FSCN1: variants seen among roughly 807,000 people sequenced by gnomAD.
FSCN1 encodes fascin actin-bundling protein 1.
In FSCN1, 10 loss-of-function variants were observed where a neutral mutation model predicts 39.7. The observed-to-expected ratio is 0.25, with a 90% CI of 0.16 to 0.43. The LOEUF is 0.43. FSCN1 is among the 20% of genes least tolerant of loss of function. The pLI is 1.00. For synonymous variants in FSCN1, 322 were observed against 320.0 expected (o/e 1.01, Z -0.07); for missense variants, 525 against 723.8 (o/e 0.73, Z 3.15).
rs1002981356 is a variant in FSCN1 at position 5,599,037 on chromosome 7, G to C, written c.833-4220G>C. On this transcript the variant is annotated intron_variant, in intron 1 of 4. Coordinates refer to ENST00000382361, the MANE Select transcript of FSCN1 (RefSeq NM_003088.4). This position sits in a 1 kb window ranked among gnomAD's most constrained non-coding sequence, Gnocchi z 5.6. ...GGTGGGGCGGGCCAGACCTTTGCAG[G>C]GCCTCTTGGCTGGTGGAGGGCTGAG... Among the ~76,000 whole-genome samples, 14 of 152,126 alleles carry C rather than the reference G, an allele frequency of 9.2e-5. No homozygotes were observed. The highest frequency in any genetic ancestry group is 3.1e-4 in the African/African-American group (13 of 41,434).
intron 4 of FSCN1, among the ~76,000 whole-genome samples, chr7:5,604,537 C>G (rs1474593029): frequency 1.3e-5 from 2 of 152,068 alleles, no homozygotes; most frequent in African/African-American, 2.4e-5. Flanking sequence ...GGCGTTATCT[C>G]GGCTCACTGC....
At chr7:5,604,240 A>C (rs1289649541) in intron 4 of FSCN1, among the ~76,000 whole-genome samples, 1 of 149,416 alleles carries the variant, frequency 6.7e-6, no homozygotes, top group Non-Finnish European at 1.5e-5. Context: ...GGGGGGACTT[A>C]CCTTGCCCAC....
At position 5,603,074 on chromosome 7, in the gene FSCN1, C is replaced by T. The variant is rs974675501; in HGVS notation, c.833-183C>T. The T allele has an allele frequency of 3.7e-5, 24 of 643,000 alleles. No individual in the cohort carries two copies. The highest frequency in any genetic ancestry group is 8.5e-4 in the Middle Eastern group (2 of 2,348). The allele number at this position is 643,000 out of a possible 1,614,324, so 39.8% of individuals were successfully genotyped here. On this transcript the variant is annotated intron_variant, in intron 1 of 4. Transcript: ENST00000382361. This position sits in a 1 kb window ranked among gnomAD's most constrained non-coding sequence, Gnocchi z 8.5. ...GATGTAGCTTGCCTTGGCCTCTGAC[C>T]GGCCCTGCCTGCGTTCCTGGGTGCT...
In FSCN1 at chr7:5,605,191, C is replaced by A; in HGVS notation, c.1280-81C>A. 1 of 1,053,686 alleles carries A rather than the reference C, an allele frequency of 9.5e-7. No individual in the cohort carries two copies. The highest frequency in any genetic ancestry group is 1.4e-6 in the Non-Finnish European group (1 of 690,638). 65.3% of individuals were successfully genotyped at this position (1,053,686 alleles called of 1,614,324 possible). A position where few individuals can be genotyped will look rare whatever the true frequency, so the allele number is the denominator to read the frequency against. On this transcript the variant is annotated intron_variant, in intron 4 of 4. Coordinates refer to ENST00000382361, the MANE Select transcript of FSCN1 (RefSeq NM_003088.4). The surrounding 1 kb of genome is among the most constrained non-coding windows in gnomAD (Gnocchi z 6.9). ...GAGGGTGGGGCGTCACCCTTGGGAA[C>A]ACCCGTGCCCACCCTCCGCTGCCCA...
In FSCN1 at chr7:5,595,495, G is replaced by A. The variant is rs576807123; in HGVS notation, c.832+1727G>A. Among the ~76,000 whole-genome samples the A allele has an allele frequency of 4.6e-5, 7 of 152,286 alleles. No homozygotes were observed. In the Middle Eastern group the frequency reaches 0.01, roughly 222 times the overall value. On this transcript the variant is annotated intron_variant, in intron 1 of 4. Coordinates refer to ENST00000382361, the MANE Select transcript of FSCN1 (RefSeq NM_003088.4). ...ACCAGTGGGGTTCACGTTCTCTTGG[G>A]GACATTACGAAGTGTCAAGGAAAAG...
intron 1 of FSCN1, among the ~76,000 whole-genome samples, chr7:5,602,339 C>T (rs1785847710): frequency 6.6e-6 from 1 of 151,858 alleles, no homozygotes; most frequent in South Asian, 2.1e-4. Flanking sequence ...CGCACCCGGC[C>T]CTTTTATAAG....
chr7:5,600,546 G>C (rs1288763946), intron 1 of FSCN1, among the ~76,000 whole-genome samples: 4 of 152,088 alleles, frequency 2.6e-5, no homozygotes, highest in Admixed American at 1.3e-4. Context: ...AGGCTGGAGT[G>C]CAGTGGCGGA....
At chr7:5,604,131 T>G in intron 4 of FSCN1, 101 bp downstream of exon 4, 1 of 1,173,236 alleles carries the variant, frequency 8.5e-7, no homozygotes, top group South Asian at 1.4e-5. Flanking sequence ...GGACCCTGGC[T>G]TGGCTCAGGG....
chr7:5,605,148 A>G lies in FSCN1; in HGVS notation c.1280-124A>G, dbSNP rs1785911349. 4 of 696,514 alleles carry G rather than the reference A, an allele frequency of 5.7e-6. No individual in the cohort carries two copies. Among genetic ancestry groups the G allele is most frequent in the Non-Finnish European group, 1.0e-5 (4 of 394,728 alleles). 43.1% of individuals were successfully genotyped at this position (696,514 alleles called of 1,614,324 possible). A position where few individuals can be genotyped will look rare whatever the true frequency, so the allele number is the denominator to read the frequency against. ...GTGCGGGCCATAGGGACCCTGGCTC[A>G]TTCCGGAGCCGGGACTGGAGGGTGG... On this transcript the variant is annotated intron_variant, in intron 4 of 4. Transcript: ENST00000382361. This position sits in a 1 kb window ranked among gnomAD's most constrained non-coding sequence, Gnocchi z 6.9.
At chr7:5,594,857 T>C (rs1785702918) in intron 1 of FSCN1, 1 of 152,264 alleles carries the variant, frequency 6.6e-6, no homozygotes. Flanking sequence ...CGGGAACAAT[T>C]GACTGCAACT....
rs768770293 is a variant in FSCN1, at chr7:5,599,017, G to T, written c.833-4240G>T. On this transcript the variant is annotated intron_variant, in intron 1 of 4. Transcript: ENST00000382361. This position sits in a 1 kb window ranked among gnomAD's most constrained non-coding sequence, Gnocchi z 5.6. ...TGCGGCTTCTGTGCAGTGGGGGTGG[G>T]GCGGGCCAGACCTTTGCAGGGCCTC... is the stretch of plus-strand genomic sequence containing the variant. Among the ~76,000 whole-genome samples the T allele has an allele frequency of 6.6e-6, 1 of 152,212 alleles. No individual in the cohort carries two copies. The highest frequency in any genetic ancestry group is 1.5e-5 in the Non-Finnish European group (1 of 68,026).
intron 1 of FSCN1, among the ~76,000 whole-genome samples, chr7:5,597,393 C>T (rs1415212303): frequency 3.3e-5 from 5 of 149,688 alleles, no homozygotes; most frequent in South Asian, 2.1e-4. Context: ...TGGCCTGGTG[C>T]GGTGGCTCAC....
chr7:5,597,897 G>C (rs186042371), intron 1 of FSCN1, among the ~76,000 whole-genome samples: 2,841 of 152,218 alleles, frequency 0.019, 40 homozygotes, highest in Non-Finnish European at 0.03. Context: ...CTGGCTCCCG[G>C]GGGCTTCTGT....
rs144434787 is a variant in FSCN1, at chr7:5,603,930, C to T, written c.1179C>T (p.Gly393=). The change falls in exon 4 of 5, where the codon GGC becomes GGT. Residue 393 remains glycine, a synonymous_variant. Transcript: ENST00000382361. This position sits in a 1 kb window ranked among gnomAD's most constrained non-coding sequence, Gnocchi z 8.5. ...RPIIVFRGEH[G]FIGCRKVTGT... ...TCATCGTGTTCCGCGGGGAGCATGG[C>T]TTCATCGGCTGCCGCAAGGTCACGG... 3.1e-6 allele frequency: 5 copies of T among 1,613,946 alleles called. No homozygotes were observed. In the African/African-American group the frequency reaches 6.7e-5, roughly 22 times the overall value.
chr7:5,603,429 C>G lies in FSCN1; in HGVS notation c.989+16C>G. On this transcript the variant is annotated intron_variant, in intron 2 of 4. Transcript: ENST00000382361. This position sits in a 1 kb window ranked among gnomAD's most constrained non-coding sequence, Gnocchi z 8.5. The stretch of plus-strand genomic sequence containing the variant: ...CCTCCAGCAAGTGAGTGCCTCGCTC[C>G]CACCTGTCACCGCCCCCACCACCTT... 3.1e-6 allele frequency: 5 copies of G among 1,613,788 alleles called. No homozygotes were observed. Among genetic ancestry groups the G allele is most frequent in the Non-Finnish European group, 4.2e-6 (5 of 1,179,970 alleles).
At position 5,594,361 on chromosome 7, in the gene FSCN1, T is replaced by TG. The variant is rs946650347; in HGVS notation, c.832+602dup. 2.3e-3 allele frequency among the ~76,000 whole-genome samples: 299 copies of TG among 132,880 alleles called. 1 individual carries two copies. Among genetic ancestry groups the TG allele is most frequent in the South Asian group, 0.01 (39 of 3,892 alleles). The allele number at this position is 132,880 out of a possible 152,430, so 87.2% of individuals were successfully genotyped here. ...GCCGGGCGGGGTCGGCCTCCGCTGG[T>TG]GGGGGGGGGCGCGGGGTGTCAGCCC... is the stretch of plus-strand genomic sequence containing the variant. On this transcript the variant is annotated intron_variant, in intron 1 of 4. Transcript: ENST00000382361.
Position 5,605,606 on chromosome 7 carries a change from G to A in FSCN1, c.*132G>A, listed in dbSNP as rs1425311230. ...TGCCTTTCAAACTGGAAACCCCAGA[G>A]AAAACGGTGCCCCCACCTGTCGCCC... On this transcript the variant is annotated 3_prime_UTR_variant, in exon 5 of 5. Coordinates refer to ENST00000382361, the MANE Select transcript of FSCN1 (RefSeq NM_003088.4). This position sits in a 1 kb window ranked among gnomAD's most constrained non-coding sequence, Gnocchi z 6.9. 32 of 686,288 alleles carry A rather than the reference G, an allele frequency of 4.7e-5. No homozygotes were observed. In the East Asian group the frequency reaches 6.3e-4, roughly 14 times the overall value. 42.5% of individuals were successfully genotyped at this position (686,288 alleles called of 1,614,324 possible).
In FSCN1 at chr7:5,593,525, C is replaced by A. The variant is rs1355426865; in HGVS notation, c.589C>A (p.Arg197Ser). ...SVQTADHRFL[R>S]HDGRLVARPE... ...GCAGACCGCCGACCACCGCTTCCTG[C>A]GCCACGACGGGCGCCTGGTGGCGCG... The change falls in exon 1 of 5, where the codon CGC (arginine) becomes AGC (serine). Residue 197 changes from arginine (R) to serine (S), a missense_variant. Physicochemically the swap from Arg to Ser is moderately radical, Grantham distance 110. Around this residue, in one of 3 missense-constraint regions of FSCN1, gnomAD observed 246 missense variants for 350.6 expected, o/e 0.70. Coordinates refer to ENST00000382361, the MANE Select transcript of FSCN1 (RefSeq NM_003088.4). 4 of 1,602,308 alleles carry A rather than the reference C, an allele frequency of 2.5e-6. No individual in the cohort carries two copies. In the African/African-American group the frequency reaches 4.0e-5, roughly 16 times the overall value.
chr7:5,600,389 G>A (rs192553336), intron 1 of FSCN1, among the ~76,000 whole-genome samples: 2 of 152,088 alleles, frequency 1.3e-5, no homozygotes, highest in East Asian at 1.9e-4. Flanking sequence ...ACTCCAGCCC[G>A]GGAGACACAG....
Sources: gnomAD v4.1 joint callset for allele counts (sites outside exome capture counted in the v4.1 genomes callset) on GRCh38, gnomAD v4.1.1 for gene constraint, gnomAD v4.1.1 regional missense constraint, Gnocchi (gnomAD v3.1) non-coding constraint, MANE v1.5 for transcripts, NCBI Gene and HGNC (gene_info 2026-07-23, HGNC 2026-07-21) for gene names.